Variants in CDH7 observed in about 807,000 individuals in gnomAD.
The protein encoded by CDH7 is cadherin-7.
A neutral mutation model predicts 71.8 loss-of-function variants in CDH7; 25 were observed. The ratio of observed to expected loss-of-function variants is 0.35; its 90% CI spans 0.25 to 0.49. CDH7 has a LOEUF of 0.49. Among genes scored for constraint, CDH7 ranks in the 20% least tolerant of loss-of-function variants. The probability of loss-of-function intolerance (pLI) is 0.99; values close to 1 mark genes in which losing one functional copy is unlikely to be tolerated. For synonymous variants in CDH7, 381 were observed against 363.8 expected (o/e 1.05, Z -0.54); for missense variants, 862 against 974.6 (o/e 0.88, Z 1.54).
At chr18:65,787,126 A>T (rs997779079) in intron 2 of CDH7, among the ~76,000 whole-genome samples, 1 of 152,224 alleles carries the variant, frequency 6.6e-6, no homozygotes, top group Non-Finnish European at 1.5e-5. Flanking sequence ...GCAGCCAAAA[A>T]GTCAGGCATG....
intron 10 of CDH7, among the ~76,000 whole-genome samples, 180 bp from the exon 11 acceptor site, chr18:65,862,486 G>A (rs1278756201): frequency 6.6e-6 from 1 of 152,070 alleles, no homozygotes; most frequent in African/African-American, 2.4e-5. Context: ...GTCTTATAAT[G>A]TATTAAACTG....
At chr18:65,876,886 AC>A (rs1382991295) in intron 11 of CDH7, among the ~76,000 whole-genome samples, 62 of 152,218 alleles carry the variant, frequency 4.1e-4, no homozygotes, top group African/African-American at 1.5e-3. Context: ...AACAACCAGA[AC>A]AATCTAAGTG....
At position 65,761,062 on chromosome 18, in the gene CDH7, C is replaced by A. The variant is rs530948747; in HGVS notation, c.-196-1585C>A. ...TAAATGGAATAAATTTATTTTTGAT[C>A]CTTGGATAGGGTATCTGGATTTGGG... is the stretch of plus-strand genomic sequence containing the variant. On this transcript the variant is annotated intron_variant, in intron 1 of 11. Transcript: ENST00000397968. Among the ~76,000 whole-genome samples the A allele has an allele frequency of 9.2e-4, 140 of 152,190 alleles. 1 individual carries two copies. In the South Asian group the frequency reaches 0.018, roughly 20 times the overall value.
intron 2 of CDH7, among the ~76,000 whole-genome samples, chr18:65,793,510 C>A (rs961285720): frequency 1.3e-5 from 2 of 151,894 alleles, no homozygotes; most frequent in African/African-American, 2.4e-5. Context: ...AGAAATATTT[C>A]TCTCTGCATT....
At chr18:65,873,178 C>T (rs1913976981) in intron 11 of CDH7, among the ~76,000 whole-genome samples, 1 of 152,070 alleles carries the variant, frequency 6.6e-6, no homozygotes, top group Admixed American at 6.5e-5. Flanking sequence ...CCAGATTGTG[C>T]TGGCAGATTT....
intron 2 of CDH7, among the ~76,000 whole-genome samples, chr18:65,792,645 G>T (rs1910755507): frequency 6.6e-6 from 1 of 151,626 alleles, no homozygotes; most frequent in South Asian, 2.1e-4. Context: ...GCATTCTAAT[G>T]TTGTAGCACT....
At chr18:65,778,052 C>CATG (rs1910017891) in intron 2 of CDH7, among the ~76,000 whole-genome samples, 1 of 152,002 alleles carries the variant, frequency 6.6e-6, no homozygotes, top group African/African-American at 2.4e-5. Context: ...GCGGGTGGAT[C>CATG]ATGAGGTTCA....
At chr18:65,854,395 T>A (rs1166276305) in intron 7 of CDH7, among the ~76,000 whole-genome samples, 2 of 152,144 alleles carry the variant, frequency 1.3e-5, no homozygotes, top group Non-Finnish European at 1.5e-5. Context: ...GTTGCCCATG[T>A]TTTTTCAAAA....
chr18:65,766,907 A>G (rs1916390099), intron 2 of CDH7, among the ~76,000 whole-genome samples: 1 of 75,368 alleles, frequency 1.3e-5, no homozygotes, highest in Non-Finnish European at 2.5e-5. Context: ...AAAAAAAAAA[A>G]AAAAAAAAAA....
intron 3 of CDH7, among the ~76,000 whole-genome samples, chr18:65,813,057 G>A (rs1568199235): frequency 6.6e-6 from 1 of 152,138 alleles, no homozygotes; most frequent in African/African-American, 2.4e-5. Flanking sequence ...TTCAGGCTGG[G>A]TGTGGTGGCT....
At chr18:65,766,922 A>AAAAAAAAAAAAATT (rs199518714) in intron 2 of CDH7, among the ~76,000 whole-genome samples, 15 of 136,940 alleles carry the variant, frequency 1.1e-4, no homozygotes, top group African/African-American at 4.1e-4. Flanking sequence ...AAAAAAAAAA[A>AAAAAAAAAAAAATT]GTCTACAAAA....
At chr18:65,837,238 A>G (rs544236813) in intron 6 of CDH7, among the ~76,000 whole-genome samples, 23 of 152,202 alleles carry the variant, frequency 1.5e-4, no homozygotes, top group Non-Finnish European at 3.4e-4. Flanking sequence ...GGTAAGGAAG[A>G]TTTTATTCAA....
intron 2 of CDH7, among the ~76,000 whole-genome samples, chr18:65,797,582 T>G (rs932784411): frequency 1.3e-5 from 2 of 152,150 alleles, no homozygotes; most frequent in Non-Finnish European, 2.9e-5. Context: ...TATAGTCTTA[T>G]TATTCTTTAT....
intron 11 of CDH7, among the ~76,000 whole-genome samples, chr18:65,871,374 G>T (rs916651086): frequency 6.6e-6 from 1 of 152,110 alleles, no homozygotes; most frequent in Non-Finnish European, 1.5e-5. Context: ...TGGAGAGCAG[G>T]TAACTGAGGC....
At chr18:65,871,518 C>T (rs541927006) in intron 11 of CDH7, among the ~76,000 whole-genome samples, 7 of 152,098 alleles carry the variant, frequency 4.6e-5, no homozygotes, top group East Asian at 1.9e-4. Flanking sequence ...TTCTTGGTTA[C>T]AGTGAGTAGG....
chr18:65,760,778 C>A (rs1916168562), intron 1 of CDH7, among the ~76,000 whole-genome samples: 1 of 152,166 alleles, frequency 6.6e-6, no homozygotes, highest in Non-Finnish European at 1.5e-5. Flanking sequence ...GCCATTCCTA[C>A]TGAAGACCAC....
intron 7 of CDH7, among the ~76,000 whole-genome samples, chr18:65,847,895 A>G (rs1208505696): frequency 6.6e-6 from 1 of 152,116 alleles, no homozygotes; most frequent in Admixed American, 6.6e-5. Flanking sequence ...AAATAAAACC[A>G]TACGTAAACT....
chr18:65,872,580 A>T (rs892486483), intron 11 of CDH7, among the ~76,000 whole-genome samples: 1 of 152,112 alleles, frequency 6.6e-6, no homozygotes, highest in African/African-American at 2.4e-5. Flanking sequence ...AAGCCAACAA[A>T]ATTCAAGCTC....
At chr18:65,773,246 A>G (rs1263653508) in intron 2 of CDH7, among the ~76,000 whole-genome samples, 1 of 152,198 alleles carries the variant, frequency 6.6e-6, no homozygotes, top group Non-Finnish European at 1.5e-5. Context: ...TTGGTCCTAA[A>G]AGACACATAA....
Sources: allele counts gnomAD v4.1 joint callset (sites outside exome capture counted in the v4.1 genomes callset), GRCh38; gene constraint gnomAD v4.1.1; transcripts MANE v1.5; gene names NCBI Gene and HGNC (gene_info 2026-07-23, HGNC 2026-07-21).